PCDH15: variants seen among roughly 807,000 people sequenced by gnomAD.
The protein encoded by PCDH15 is protocadherin-15.
PCDH15 carries 129 observed loss-of-function variants against 178.5 expected under a neutral mutation model. The observed-to-expected ratio is 0.72, with a 90% CI of 0.63 to 0.84. The LOEUF (loss-of-function observed/expected upper bound fraction) is 0.84. Among genes scored for constraint, PCDH15 ranks in the 40% least tolerant of loss-of-function variants. The pLI is 0.00. For missense variants in PCDH15, 2,230 were observed against 2,099.9 expected, an observed-to-expected ratio of 1.06 and a Z score of -1.21; for synonymous variants, 800 against 732.0, an observed-to-expected ratio of 1.09 and a Z score of -1.50.
chr10:55,140,398 C>A (rs1413340528), intron 2 of PCDH15, among the ~76,000 whole-genome samples: 1 of 151,754 alleles, frequency 6.6e-6, no homozygotes, highest in Non-Finnish European at 1.5e-5. Context: ...CCCGATTAAG[C>A]CTTTTTTCTG....
chr10:54,333,533 T>A (rs1940328212), intron 6 of PCDH15, among the ~76,000 whole-genome samples: 1 of 148,742 alleles, frequency 6.7e-6, no homozygotes, highest in Admixed American at 6.8e-5. Flanking sequence ...CTTGCTTTAA[T>A]GATATTTCTG....
At chr10:54,471,907 C>T (rs1386448326) in intron 3 of PCDH15, among the ~76,000 whole-genome samples, 1 of 151,820 alleles carries the variant, frequency 6.6e-6, no homozygotes, top group Admixed American at 6.6e-5. Context: ...AGTAATTATA[C>T]ATATTTTGAG....
intron 2 of PCDH15, among the ~76,000 whole-genome samples, chr10:54,985,844 AAAT>A (rs1461303796): frequency 6.6e-6 from 1 of 152,224 alleles, no homozygotes; most frequent in Non-Finnish European, 1.5e-5. Context: ...TATGGTTTAA[AAAT>A]AATAATAAAG....
chr10:54,376,414 CAG>C (rs1162983167), intron 4 of PCDH15, among the ~76,000 whole-genome samples: 3 of 150,350 alleles, frequency 2.0e-5, no homozygotes, highest in Non-Finnish European at 4.4e-5. Flanking sequence ...AAATTTAAAA[CAG>C]TGTAAATAAA....
At chr10:55,295,321 T>A (rs890758575) in intron 1 of PCDH15, among the ~76,000 whole-genome samples, 7 of 152,230 alleles carry the variant, frequency 4.6e-5, no homozygotes, top group African/African-American at 1.7e-4. Context: ...AACCTTCACA[T>A]AACACAGCAA....
intron 2 of PCDH15, among the ~76,000 whole-genome samples, chr10:55,433,144 C>T (rs1252450611): frequency 6.6e-6 from 1 of 152,074 alleles, no homozygotes; most frequent in Non-Finnish European, 1.5e-5. Context: ...AAGACACATG[C>T]ATACATATAT....
chr10:54,226,298 T>A (rs904609262), intron 9 of PCDH15, among the ~76,000 whole-genome samples: 6 of 152,170 alleles, frequency 3.9e-5, no homozygotes, highest in African/African-American at 1.4e-4. Flanking sequence ...TTTAAAACCA[T>A]CATATCTCGT....
At chr10:53,948,095 T>C (rs900783736) in intron 23 of PCDH15, among the ~76,000 whole-genome samples, 1 of 152,140 alleles carries the variant, frequency 6.6e-6, no homozygotes, top group African/African-American at 2.4e-5. Flanking sequence ...TTACTATGGG[T>C]ATGAAAGTAA....
intron 14 of PCDH15, among the ~76,000 whole-genome samples, chr10:54,138,152 C>A (rs1279109272): frequency 6.6e-6 from 1 of 151,992 alleles, no homozygotes. Context: ...TTGAACAAGC[C>A]CAAATGACTG....
At chr10:54,768,401 C>A (rs1591532390) in intron 1 of PCDH15, among the ~76,000 whole-genome samples, 1 of 152,116 alleles carries the variant, frequency 6.6e-6, no homozygotes, top group Non-Finnish European at 1.5e-5. Flanking sequence ...ATGTCACCCT[C>A]AGAGAGATTA....
At chr10:55,299,458 C>A (rs955898605) in intron 1 of PCDH15, among the ~76,000 whole-genome samples, 1 of 152,172 alleles carries the variant, frequency 6.6e-6, no homozygotes, top group Non-Finnish European at 1.5e-5. Context: ...AAAATGATGT[C>A]TTTCATGTAC....
intron 2 of PCDH15, among the ~76,000 whole-genome samples, chr10:55,069,084 T>G (rs1453754695): frequency 6.6e-6 from 1 of 151,320 alleles, no homozygotes; most frequent in African/African-American, 2.4e-5. Flanking sequence ...TTTTTGTATT[T>G]TTAGTAGAGA....
chr10:53,853,961 T>C (rs182085837), intron 28 of PCDH15, among the ~76,000 whole-genome samples: 47 of 152,126 alleles, frequency 3.1e-4, no homozygotes, highest in Non-Finnish European at 5.7e-4. Flanking sequence ...ATTTTAATAT[T>C]TATGTTCATA....
At chr10:54,966,203 T>G in intron 2 of PCDH15, among the ~76,000 whole-genome samples, 1 of 150,544 alleles carries the variant, frequency 6.6e-6, no homozygotes, top group African/African-American at 2.5e-5. Context: ...TTTAAAAAAA[T>G]ATTGTTTTCA....
chr10:55,231,605 A>T (rs1841226525), intron 1 of PCDH15, among the ~76,000 whole-genome samples: 3 of 152,068 alleles, frequency 2.0e-5, no homozygotes, highest in African/African-American at 7.2e-5. Context: ...CATTAAGGAT[A>T]GGAAATTATT....
intron 2 of PCDH15, among the ~76,000 whole-genome samples, chr10:55,163,636 T>C (rs1429681551): frequency 6.6e-6 from 1 of 152,036 alleles, no homozygotes; most frequent in Admixed American, 6.6e-5. Context: ...CCAAACAAAA[T>C]CTGCCCAAAC....
chr10:54,616,591 T>C (rs1232981850), intron 2 of PCDH15, among the ~76,000 whole-genome samples: 2 of 152,086 alleles, frequency 1.3e-5, no homozygotes, highest in Non-Finnish European at 2.9e-5. Flanking sequence ...TACAGAATTC[T>C]GATTTTTTTA....
chr10:55,116,229 G>A (rs111968578), intron 2 of PCDH15, among the ~76,000 whole-genome samples: 140 of 152,164 alleles, frequency 9.2e-4, no homozygotes, highest in African/African-American at 3.1e-3. Flanking sequence ...ATATATTACT[G>A]TTTGATTTAA....
chr10:54,063,424 G>C (rs2094071628), intron 18 of PCDH15, among the ~76,000 whole-genome samples: 1 of 151,578 alleles, frequency 6.6e-6, no homozygotes, highest in South Asian at 2.1e-4. Context: ...GATAATTTTT[G>C]CACATGCCCC....
Sources: allele counts gnomAD v4.1 joint callset (sites outside exome capture counted in the v4.1 genomes callset), GRCh38; gene constraint gnomAD v4.1.1; transcripts MANE v1.5; gene names NCBI Gene and HGNC (gene_info 2026-07-23, HGNC 2026-07-21).